Variants in SCN1A observed in about 807,000 individuals in gnomAD.
SCN1A encodes the protein sodium channel protein type 1 subunit alpha.
A neutral mutation model predicts 193.7 loss-of-function variants in SCN1A; 13 were observed. That is an observed-to-expected ratio of 0.07 (90% CI 0.04 to 0.11). The LOEUF is 0.11. Ranked by LOEUF, SCN1A falls within the 10% of genes least tolerant of loss-of-function variation. The pLI is 1.00. For synonymous variants in SCN1A, 781 were observed against 843.6 expected, an observed-to-expected ratio of 0.93 and a Z score of 1.29; for missense variants, 1,432 against 2,451.1, an observed-to-expected ratio of 0.58 and a Z score of 8.78.
intron 23 of SCN1A, among the ~76,000 whole-genome samples, chr2:166,008,303 G>T (rs1164844535): frequency 6.6e-6 from 1 of 151,042 alleles, no homozygotes; most frequent in African/African-American, 2.4e-5. Context: ...CTTTCAAATG[G>T]TCAAATGTAA....
chr2:166,079,899 T>C (rs1414917460), intron 2 of SCN1A, among the ~76,000 whole-genome samples: 1 of 151,490 alleles, frequency 6.6e-6, no homozygotes, highest in Admixed American at 6.6e-5. Flanking sequence ...TTTTTTTAAC[T>C]CTAAGTAGAT....
intron 2 of SCN1A, among the ~76,000 whole-genome samples, chr2:166,111,538 C>G (rs1030484258): frequency 6.6e-6 from 1 of 152,032 alleles, no homozygotes; most frequent in African/African-American, 2.4e-5. Context: ...TATTTTCATG[C>G]CTGATAGCAC....
At chr2:166,067,155 T>C (rs947728658) in intron 4 of SCN1A, among the ~76,000 whole-genome samples, 3 of 152,102 alleles carry the variant, frequency 2.0e-5, no homozygotes, top group Non-Finnish European at 4.4e-5. Flanking sequence ...TACTGGAATT[T>C]AGTGGGAAAA....
intron 4 of SCN1A, among the ~76,000 whole-genome samples, chr2:166,066,833 C>T (rs958403135): frequency 6.6e-6 from 1 of 152,172 alleles, no homozygotes; most frequent in African/African-American, 2.4e-5. Context: ...GACCATGTTA[C>T]TGCTGTACCT....
rs146646352 is a variant in SCN1A at position 166,038,392 on chromosome 2, G to A, written c.2590-260C>T. 1.5e-4 allele frequency among the ~76,000 whole-genome samples: 23 copies of A among 151,850 alleles called. No homozygotes were observed. In the East Asian group the frequency reaches 2.3e-3, roughly 15 times the overall value. On this transcript the variant is annotated intron_variant, in intron 17 of 28. Transcript: ENST00000674923. ...TTTTTCTTTTGTCACCCAGGCGGGAGTGCAGAGGAGTGATCTCGGCTCACT... is the reference window on the plus strand; with the variant it reads ...TTTTTCTTTTGTCACCCAGGCGGGAATGCAGAGGAGTGATCTCGGCTCACT...
chr2:166,125,711 A>G (rs1044489825), intron 2 of SCN1A, among the ~76,000 whole-genome samples: 2 of 152,082 alleles, frequency 1.3e-5, no homozygotes, highest in Non-Finnish European at 2.9e-5. Context: ...GGTTGGTACA[A>G]CAGAATCCTG....
chr2:166,053,776 T>A lies in SCN1A; in HGVS notation c.603-833A>T, dbSNP rs141086122. On this transcript the variant is annotated intron_variant, in intron 7 of 28. Transcript: ENST00000674923. ...AACTGTTAGAGGCCAAAAAATCAGC[T>A]CCTGAAGGAAGGATGAGGGTAAGTG... Among the ~76,000 whole-genome samples, 7 of 151,912 alleles carry A rather than the reference T, an allele frequency of 4.6e-5. No homozygotes were observed. In the East Asian group the frequency reaches 1.4e-3, roughly 29 times the overall value.
At position 166,055,158 on chromosome 2, in the gene SCN1A, CTAAGAA is replaced by C. The variant is rs1699000437; in HGVS notation, c.474-398_474-393del. On this transcript the variant is annotated intron_variant, in intron 6 of 28. Coordinates refer to ENST00000674923, the MANE Select transcript of SCN1A (RefSeq NM_001165963.4). The stretch of plus-strand genomic sequence containing the variant: ...AAAAAATCTCAAGTTTAATAGTGTT[CTAAGAA>C]TGAGAGGAAACTGACAAATTAGCAC... Among the ~76,000 whole-genome samples, 3 of 148,054 alleles carry C rather than the reference CTAAGAA, an allele frequency of 2.0e-5. No individual in the cohort carries two copies. The South Asian group carries it at 6.3e-4, about 31-fold the overall frequency.
chr2:165,992,636 C>A lies in SCN1A; in HGVS notation c.4853-214G>T. 4.3e-6 allele frequency: 1 copy of A among 229,908 alleles called. No homozygotes were observed. The highest frequency in any genetic ancestry group is 7.8e-6 in the Non-Finnish European group (1 of 128,810). 14.2% of individuals were successfully genotyped at this position (229,908 alleles called of 1,614,324 possible). A position where few individuals can be genotyped will look rare whatever the true frequency, so the allele number is the denominator to read the frequency against. Reference sequence around the variant, plus strand: ...AATTTCAATTATAAGGATTATAGTACTTTTTTTTATCTTTAAGAGATGTTT... The same window carrying A: ...AATTTCAATTATAAGGATTATAGTAATTTTTTTTATCTTTAAGAGATGTTT... On this transcript the variant is annotated intron_variant, in intron 28 of 28. Coordinates refer to ENST00000674923, the MANE Select transcript of SCN1A (RefSeq NM_001165963.4). The surrounding 1 kb of genome is among the most constrained non-coding windows in gnomAD (Gnocchi z 6.5).
chr2:166,090,250 T>C (rs34335864), intron 2 of SCN1A, among the ~76,000 whole-genome samples: 4,010 of 151,888 alleles, frequency 0.026, 177 homozygotes, highest in African/African-American at 0.091. Context: ...CAGGTGGTCT[T>C]GAACTCCTGG....
At chr2:166,105,463 T>A (rs1688584581) in intron 2 of SCN1A, among the ~76,000 whole-genome samples, 1 of 152,228 alleles carries the variant, frequency 6.6e-6, no homozygotes, top group Admixed American at 6.5e-5. Flanking sequence ...ACATTGTAGT[T>A]ATGCTTCAGT....
chr2:166,009,519 A>G (rs1354173973), intron 23 of SCN1A, 200 bp downstream of exon 23: 1 of 390,094 alleles, frequency 2.6e-6, no homozygotes, highest in East Asian at 4.3e-5. Flanking sequence ...ACAGCAGATA[A>G]ATGATATTAT....
At position 166,042,349 on chromosome 2, in the gene SCN1A, G is replaced by A. The variant is rs1465888633; in HGVS notation, c.2119C>T (p.Pro707Ser). The A allele has an allele frequency of 1.2e-6, 2 of 1,613,838 alleles. No individual in the cohort carries two copies. The highest frequency in any genetic ancestry group is 8.5e-7 in the Non-Finnish European group (1 of 1,179,822). The change falls in exon 15 of 29, where the codon CCT becomes TCT. Residue 707 changes from proline to serine, a missense_variant. Transcript: ENST00000674923. Reference sequence around the variant, plus strand: ...CTCATTGCTCGTTGCCTTTGGGAAGGATCTTCTAGAAAGTCCATGGAAACG... The same window carrying A: ...CTCATTGCTCGTTGCCTTTGGGAAGAATCTTCTAGAAAGTCCATGGAAACG... ...FHVSMDFLED[P>S]SQRQRAMSIA... is the part of the protein sequence containing the mutation.
chr2:166,117,326 T>C (rs1406071620), intron 2 of SCN1A, among the ~76,000 whole-genome samples: 1 of 152,262 alleles, frequency 6.6e-6, no homozygotes, highest in Admixed American at 6.5e-5. Context: ...TACTTTCCAT[T>C]TCTTCATGTA....
chr2:166,103,407 CA>C (rs1688342171), intron 2 of SCN1A, among the ~76,000 whole-genome samples: 2 of 151,632 alleles, frequency 1.3e-5, no homozygotes, highest in Admixed American at 1.3e-4. Context: ...GCCGAGTTCG[CA>C]CCGCTGCACT....
Position 166,043,868 on chromosome 2 carries a change from C to T in SCN1A, c.1844G>A (p.Gly615Glu), listed in dbSNP as rs868779492. 1.2e-6 allele frequency: 2 copies of T among 1,614,204 alleles called. No individual in the cohort carries two copies. Among genetic ancestry groups the T allele is most frequent in the South Asian group, 2.2e-5 (2 of 91,086 alleles). ...ACTCAGGTTGCTGTTGCGTCTCTCT[C>T]CGTGTCGTCGGGGCACAAACAAGGA... ...RDSLFVPRRH[G>E]ERRNSNLSQT... is the part of the protein sequence containing the mutation. The change falls in exon 14 of 29, where the codon GGA becomes GAA. Residue 615 changes from glycine to glutamate, a missense_variant. By Grantham distance (98) the Gly-to-Glu change is moderately conservative. Around this residue, in one of 18 missense-constraint regions of SCN1A, gnomAD observed 316 missense variants for 362.1 expected, o/e 0.87. Transcript: ENST00000674923.
chr2:165,986,404 A>C lies in SCN1A; in HGVS notation c.*4841T>G, dbSNP rs1688612010. ...AGTGCCACCTTCTGTTATCCAAATCAGATCTGTTTAGCATCAAATACTGGG... is the reference window on the plus strand; with the variant it reads ...AGTGCCACCTTCTGTTATCCAAATCCGATCTGTTTAGCATCAAATACTGGG... On this transcript the variant is annotated 3_prime_UTR_variant, in exon 29 of 29. Transcript: ENST00000674923. 1 of 152,144 alleles carries C rather than the reference A, an allele frequency of 6.6e-6. No individual in the cohort carries two copies. Among genetic ancestry groups the C allele is most frequent in the African/African-American group, 2.4e-5 (1 of 41,448 alleles). The allele number at this position is 152,144 out of a possible 1,614,324, so 9.4% of individuals were successfully genotyped here.
At chr2:166,029,584 T>C (rs1695275740) in intron 19 of SCN1A, among the ~76,000 whole-genome samples, 1 of 152,120 alleles carries the variant, frequency 6.6e-6, no homozygotes, top group Non-Finnish European at 1.5e-5. Context: ...TGGAAAAATA[T>C]CAGCAAAGCA....
At chr2:165,995,939 C>T in intron 27 of SCN1A, 74 bp downstream of exon 27, 2 of 1,012,926 alleles carry the variant, frequency 2.0e-6, no homozygotes, top group Non-Finnish European at 3.1e-6. Flanking sequence ...ATGTTAGCTA[C>T]TTTCTTTTTT....
Sources: gnomAD v4.1 joint callset for allele counts (sites outside exome capture counted in the v4.1 genomes callset) on GRCh38, gnomAD v4.1.1 for gene constraint, gnomAD v4.1.1 regional missense constraint, Gnocchi (gnomAD v3.1) non-coding constraint, MANE v1.5 for transcripts, NCBI Gene and HGNC (gene_info 2026-07-23, HGNC 2026-07-21) for gene names.